Variants in PRSS3 observed in about 807,000 individuals in gnomAD.
The protein encoded by PRSS3 is serine protease 3, also known as trypsin-3.
In PRSS3, 14 loss-of-function variants were observed where a neutral mutation model predicts 20.8. The observed-to-expected ratio is 0.67, with a 90% CI of 0.44 to 1.05. The LOEUF (loss-of-function observed/expected upper bound fraction) is 1.05, where lower values mean the gene tolerates loss of function less well. PRSS3 is among the 50% of genes least tolerant of loss of function. The probability of loss-of-function intolerance (pLI) is 0.00; values close to 1 mark genes in which losing one functional copy is unlikely to be tolerated. For synonymous variants in PRSS3, 91 were observed against 117.6 expected (o/e 0.77, Z 1.46); for missense variants, 237 against 306.4 (o/e 0.77, Z 1.69).
chr9:33,755,057 C>T lies in PRSS3; in HGVS notation c.-53+4330C>T, dbSNP rs554448992. On this transcript the variant is annotated intron_variant, in intron 1 of 5. Coordinates refer to the PRSS3 transcript ENST00000342836. ...TTTTTTAAATGGTAGAGTGCAAGGA[C>T]CACTCTGAGAACTGCTGATGATGTA... Among the ~76,000 whole-genome samples, 150 of 152,202 alleles carry T rather than the reference C, an allele frequency of 9.9e-4. 2 individuals carry two copies. Among genetic ancestry groups the T allele is most frequent in the Non-Finnish European group, 7.4e-5 (5 of 68,020 alleles).
chr9:33,770,472 GAGA>G (rs1823637275), intron 1 of PRSS3, among the ~76,000 whole-genome samples: 1 of 152,194 alleles, frequency 6.6e-6, no homozygotes, highest in South Asian at 2.1e-4. Context: ...TTTTGCATAT[GAGA>G]AGGACATGGA....
At chr9:33,754,278 G>A (rs1310474546) in intron 1 of PRSS3, among the ~76,000 whole-genome samples, 1 of 151,836 alleles carries the variant, frequency 6.6e-6, no homozygotes, top group Admixed American at 6.6e-5. Context: ...CACCATGTTG[G>A]TCAGGCTGGT....
intron 1 of PRSS3, among the ~76,000 whole-genome samples, chr9:33,774,196 G>T (rs1452281736): frequency 6.6e-6 from 1 of 152,104 alleles, no homozygotes; most frequent in Non-Finnish European, 1.5e-5. Flanking sequence ...TTATTACCTT[G>T]TTCCTCCTGT....
At chr9:33,795,711 G>A (rs1003313854) in intron 1 of PRSS3, 98 bp downstream of exon 1, 2 of 1,425,598 alleles carry the variant, frequency 1.4e-6, no homozygotes, top group Non-Finnish European at 2.0e-6. Context: ...ACTGCGCTCT[G>A]ATATTCTATT....
At chr9:33,787,632 C>T (rs1824465277) in intron 1 of PRSS3, among the ~76,000 whole-genome samples, 1 of 152,166 alleles carries the variant, frequency 6.6e-6, no homozygotes, top group African/African-American at 2.4e-5. Context: ...AGAACAAGCC[C>T]ATGATAAAAG....
At chr9:33,755,080 G>A (rs1230988041) in intron 1 of PRSS3, among the ~76,000 whole-genome samples, 1 of 152,172 alleles carries the variant, frequency 6.6e-6, no homozygotes, top group African/African-American at 2.4e-5. Context: ...TGCTGATGAT[G>A]TAGGTCTGGG....
At chr9:33,753,782 G>A (rs752839895) in intron 1 of PRSS3, among the ~76,000 whole-genome samples, 4 of 152,204 alleles carry the variant, frequency 2.6e-5, no homozygotes, top group Non-Finnish European at 5.9e-5. Flanking sequence ...AGTTCATTCA[G>A]CTACAAGAAC....
rs1380390389 is a variant in PRSS3, at chr9:33,750,868, G to A, written c.-53+141G>A. ...GCGGGGGAGGGTACGCGGACAGGGA[G>A]GGGATACCGACTGGGAGGGGCTCAG... On this transcript the variant is annotated intron_variant, in intron 1 of 5. Transcript: ENST00000342836. This position sits in a 1 kb window ranked among gnomAD's most constrained non-coding sequence, Gnocchi z 4.8. The A allele has an allele frequency of 3.6e-6, 5 of 1,378,364 alleles. No individual in the cohort carries two copies. The highest frequency in any genetic ancestry group is 5.9e-5 in the East Asian group (2 of 33,858). The allele number at this position is 1,378,364 out of a possible 1,614,324, so 85.4% of individuals were successfully genotyped here.
rs761116640 is a variant in PRSS3, at chr9:33,797,931, G to A, written c.303G>A (p.Arg101=). Residue 101 remains arginine, a synonymous_variant, in exon 3 of 5, where the codon AGG becomes AGA. Transcript: ENST00000379405. ...TCATCCGCCACCCTAAATACAACAG[G>A]GACACTCTGGACAATGACATCATGC... ...AKIIRHPKYN[R]DTLDNDIMLI... 6.4e-7 allele frequency: 1 copy of A among 1,571,188 alleles called. No homozygotes were observed. Among genetic ancestry groups the A allele is most frequent in the South Asian group, 1.1e-5 (1 of 90,294 alleles).
At chr9:33,755,114 G>A (rs1254406942) in intron 1 of PRSS3, among the ~76,000 whole-genome samples, 8 of 152,158 alleles carry the variant, frequency 5.3e-5, no homozygotes, top group Admixed American at 3.9e-4. Flanking sequence ...TCTCCATTCC[G>A]GACGGGCACG....
chr9:33,786,178 A>T (rs1824402767), intron 1 of PRSS3: 2 of 461,552 alleles, frequency 4.3e-6, no homozygotes, highest in East Asian at 8.8e-5. Context: ...CTTGAGTTTC[A>T]CTTCTTAGTG....
At chr9:33,792,363 C>G (rs993392021), upstream of PRSS3, among the ~76,000 whole-genome samples, 3 of 152,118 alleles carry the variant, frequency 2.0e-5, no homozygotes, top group Non-Finnish European at 4.4e-5. Context: ...TGGAATCTGA[C>G]ACTTTTCAGA....
chr9:33,770,780 A>T (rs1168226875), intron 1 of PRSS3, among the ~76,000 whole-genome samples: 1 of 152,152 alleles, frequency 6.6e-6, no homozygotes, highest in Non-Finnish European at 1.5e-5. Flanking sequence ...ATGATTGTTT[A>T]ATCTGCCCAG....
At chr9:33,751,314 TG>T (rs1231712605) in intron 1 of PRSS3, among the ~76,000 whole-genome samples, 2 of 152,146 alleles carry the variant, frequency 1.3e-5, no homozygotes, top group Admixed American at 1.3e-4. Flanking sequence ...CTAATAACAT[TG>T]GGCGGTGGAT....
At chr9:33,792,470 A>C (rs1824678223), upstream of PRSS3, among the ~76,000 whole-genome samples, 1 of 152,238 alleles carries the variant, frequency 6.6e-6, no homozygotes, top group African/African-American at 2.4e-5. Context: ...TGGAGAAGTC[A>C]TTTGAACTCT....
In PRSS3 at chr9:33,790,370, T is replaced by C. The variant is rs578217351; in HGVS notation, c.-52-4376T>C. Reference sequence around the variant, plus strand: ...TCAATACACTGATGACCATCCTTCATACAATCAAAACCCATGACAAGGTAT... The same window carrying C: ...TCAATACACTGATGACCATCCTTCACACAATCAAAACCCATGACAAGGTAT... On this transcript the variant is annotated intron_variant, in intron 1 of 5. Coordinates refer to the PRSS3 transcript ENST00000342836. Among the ~76,000 whole-genome samples, 3 of 152,356 alleles carry C rather than the reference T, an allele frequency of 2.0e-5. No homozygotes were observed. In the East Asian group the frequency reaches 5.8e-4, roughly 29 times the overall value.
At chr9:33,770,445 G>C (rs1422813040) in intron 1 of PRSS3, among the ~76,000 whole-genome samples, 1 of 152,242 alleles carries the variant, frequency 6.6e-6, no homozygotes, top group East Asian at 1.9e-4. Context: ...GGCACTGTTG[G>C]GATGGGGATG....
intron 1 of PRSS3, among the ~76,000 whole-genome samples, chr9:33,771,644 TG>T (rs74178901): frequency 0.17 from 15,128 of 89,278 alleles, 1,538 homozygotes; most frequent in East Asian, 0.26. Context: ...TTTGTTTTTT[TG>T]TTTTTTTTTT....
chr9:33,771,174 T>C (rs1013881070), intron 1 of PRSS3, among the ~76,000 whole-genome samples: 5 of 152,106 alleles, frequency 3.3e-5, no homozygotes, highest in African/African-American at 9.7e-5. Flanking sequence ...ACAGGCTGCC[T>C]TCTTTCTTTG....
Sources: allele counts gnomAD v4.1 joint callset (sites outside exome capture counted in the v4.1 genomes callset), GRCh38; gene constraint gnomAD v4.1.1; non-coding constraint Gnocchi (gnomAD v3.1); transcripts MANE v1.5; gene names NCBI Gene and HGNC (gene_info 2026-07-23, HGNC 2026-07-21).